The following PCSK2 variants were observed in gnomAD, a reference collection of about 807,000 sequenced individuals.
PCSK2 encodes neuroendocrine convertase 2.
A neutral mutation model predicts 69.7 loss-of-function variants in PCSK2; 14 were observed. The ratio of observed to expected loss-of-function variants is 0.20; its 90% CI spans 0.13 to 0.31. The LOEUF is 0.31. Ranked by LOEUF, PCSK2 falls within the 10% of genes least tolerant of loss-of-function variation. The pLI, the probability that PCSK2 is intolerant of heterozygous loss-of-function variation, is 1.00. For missense variants in PCSK2, 544 were observed against 842.5 expected (o/e 0.65, Z 4.39); for synonymous variants, 307 against 320.7 (o/e 0.96, Z 0.46).
At chr20:17,456,250 G>A (rs2021789) in intron 9 of PCSK2, 98 bp from the exon 10 acceptor site, 556,835 of 691,158 alleles carry the variant, frequency 0.81, 225,473 homozygotes, top group African/African-American at 0.9. Context: ...ATAAATAAAT[G>A]AATAAATAAA....
chr20:17,437,136 C>T (rs896477082), intron 8 of PCSK2, among the ~76,000 whole-genome samples: 6 of 85,370 alleles, frequency 7.0e-5, no homozygotes, highest in African/African-American at 2.5e-4. Context: ...AAGGAAGGGG[C>T]CGGGGGGGGG....
At chr20:17,281,728 G>T (rs986588136) in intron 2 of PCSK2, among the ~76,000 whole-genome samples, 1 of 152,128 alleles carries the variant, frequency 6.6e-6, no homozygotes, top group Admixed American at 6.5e-5. Flanking sequence ...CCAAGCAATT[G>T]CAGGCCATGG....
At chr20:17,408,634 T>C (rs1463368382) in intron 5 of PCSK2, among the ~76,000 whole-genome samples, 1 of 152,248 alleles carries the variant, frequency 6.6e-6, no homozygotes, top group African/African-American at 2.4e-5. Flanking sequence ...ATAAGTTACA[T>C]AAGGGCAGGG....
At chr20:17,416,617 TTCC>T (rs2123316193) in intron 6 of PCSK2, among the ~76,000 whole-genome samples, 2 of 151,400 alleles carry the variant, frequency 1.3e-5, no homozygotes, top group Admixed American at 1.3e-4. Context: ...AGTATGGTGA[TTCC>T]TCAAGGATCT....
At chr20:17,459,846 G>GGAT (rs1177541534) in intron 10 of PCSK2, among the ~76,000 whole-genome samples, 1 of 152,204 alleles carries the variant, frequency 6.6e-6, no homozygotes, top group Non-Finnish European at 1.5e-5. Context: ...TAGGGTGTGA[G>GGAT]GATGATCAAT....
At chr20:17,385,615 A>G (rs367983510) in intron 5 of PCSK2, among the ~76,000 whole-genome samples, 3 of 152,204 alleles carry the variant, frequency 2.0e-5, no homozygotes, top group African/African-American at 4.8e-5. Flanking sequence ...GAGTGATTTC[A>G]AAGAGTTTTG....
intron 6 of PCSK2, among the ~76,000 whole-genome samples, chr20:17,416,705 A>G (rs770983274): frequency 3.3e-5 from 5 of 152,264 alleles, no homozygotes; most frequent in Non-Finnish European, 5.9e-5. Context: ...TCATGCTACT[A>G]TAAAAACACA....
At chr20:17,476,982 T>C (rs1268792230) in intron 11 of PCSK2, among the ~76,000 whole-genome samples, 1 of 152,210 alleles carries the variant, frequency 6.6e-6, no homozygotes, top group Non-Finnish European at 1.5e-5. Context: ...CATACATGAT[T>C]CAGCATCAGT....
chr20:17,230,242 C>G (rs1176633382), intron 1 of PCSK2, among the ~76,000 whole-genome samples: 1 of 151,908 alleles, frequency 6.6e-6, no homozygotes, highest in Non-Finnish European at 1.5e-5. Flanking sequence ...CTCCGAGGCT[C>G]AGTGTCAGAC....
intron 11 of PCSK2, chr20:17,479,198 A>G: frequency 7.3e-7 from 1 of 1,378,822 alleles, no homozygotes; most frequent in Non-Finnish European, 1.0e-6. Flanking sequence ...CTGCTGTGCG[A>G]AAGCCATATG....
rs111701608 is a variant in PCSK2 at position 17,403,633 on chromosome 20, T to G, written c.544-5630T>G. ...TCAGCTAATACTGTTACACAGCTCC[T>G]AGCTGGGTTATTTGGTTAAATGCCT... On this transcript the variant is annotated intron_variant, in intron 5 of 11. Transcript: ENST00000262545. 4.5e-3 allele frequency among the ~76,000 whole-genome samples: 687 copies of G among 152,348 alleles called. 6 individuals are homozygous for G. Among genetic ancestry groups the G allele is most frequent in the Non-Finnish European group, 7.9e-3 (538 of 68,036 alleles).
chr20:17,417,569 T>C (rs1427037309), intron 6 of PCSK2, among the ~76,000 whole-genome samples: 1 of 152,198 alleles, frequency 6.6e-6, no homozygotes, highest in Non-Finnish European at 1.5e-5. Context: ...ATAACTACCA[T>C]TGTAAATGAT....
chr20:17,431,599 A>G (rs1023701978), intron 7 of PCSK2, among the ~76,000 whole-genome samples: 1 of 151,662 alleles, frequency 6.6e-6, no homozygotes, highest in African/African-American at 2.4e-5. Flanking sequence ...TTCTTTTCCC[A>G]CTCCCTTAGC....
chr20:17,465,701 C>T (rs961047352), intron 11 of PCSK2, 148 bp downstream of exon 11: 20 of 620,582 alleles, frequency 3.2e-5, no homozygotes, highest in African/African-American at 2.0e-4. Flanking sequence ...CAGGGCCTCA[C>T]TTTGTCACCC....
chr20:17,428,997 CAAAAAAAAAAA>C (rs60206058), intron 6 of PCSK2, among the ~76,000 whole-genome samples: 27 of 36,952 alleles, frequency 7.3e-4, no homozygotes, highest in South Asian at 4.4e-3. Context: ...GACTCTGTCT[CAAAAAAAAAAA>C]AAAAAAAAAA....
At chr20:17,301,866 G>A (rs1270050243) in intron 2 of PCSK2, among the ~76,000 whole-genome samples, 2 of 152,032 alleles carry the variant, frequency 1.3e-5, no homozygotes, top group Non-Finnish European at 2.9e-5. Flanking sequence ...GGGAGGCAGA[G>A]GTTGAAGTGA....
At chr20:17,282,129 A>G (rs1402013079) in intron 2 of PCSK2, among the ~76,000 whole-genome samples, 1 of 152,072 alleles carries the variant, frequency 6.6e-6, no homozygotes, top group Non-Finnish European at 1.5e-5. Flanking sequence ...GCAGTTAAGG[A>G]TGTCTATATA....
Position 17,483,391 on chromosome 20 carries a change from C to CA in PCSK2, c.*1323dup, listed in dbSNP as rs1167932004. 6.6e-6 allele frequency: 1 copy of CA among 152,212 alleles called. No homozygotes were observed. Among genetic ancestry groups the CA allele is most frequent in the Non-Finnish European group, 1.5e-5 (1 of 68,084 alleles). 9.4% of individuals were successfully genotyped at this position (152,212 alleles called of 1,614,324 possible). On this transcript the variant is annotated 3_prime_UTR_variant, in exon 12 of 12. Coordinates refer to ENST00000262545, the MANE Select transcript of PCSK2 (RefSeq NM_002594.5). ...TAACATGCAACCCGAAGGTTATGGT[C>CA]AATCCCAAAAGTCACCACTCCATTC... is the stretch of plus-strand genomic sequence containing the variant.
chr20:17,391,146 C>T (rs1433283056), intron 5 of PCSK2, among the ~76,000 whole-genome samples: 1 of 152,096 alleles, frequency 6.6e-6, no homozygotes, highest in Non-Finnish European at 1.5e-5. Flanking sequence ...GTAGTACATG[C>T]AATATTAATT....
Sources: allele counts gnomAD v4.1 joint callset (sites outside exome capture counted in the v4.1 genomes callset), GRCh38; gene constraint gnomAD v4.1.1; transcripts MANE v1.5; gene names NCBI Gene and HGNC (gene_info 2026-07-23, HGNC 2026-07-21).